ERICH1: variants seen among roughly 807,000 people sequenced by gnomAD.
ERICH1 encodes glutamate rich 1, also known as glutamate-rich protein 1.
ERICH1 carries 56 observed loss-of-function variants against 39.6 expected under a neutral mutation model. That is an observed-to-expected ratio of 1.41 (90% CI 1.14 to 1.77). The LOEUF is 1.77. Ranked by LOEUF, ERICH1 falls within the 40% of genes most tolerant of loss-of-function variation. ERICH1 has a pLI of 0.00. For synonymous variants in ERICH1, 313 were observed against 223.6 expected (o/e 1.40, Z -3.57); for missense variants, 826 against 575.4 (o/e 1.44, Z -4.45).
At chr8:722,846 G>A (rs1393283828) in intron 1 of ERICH1, among the ~76,000 whole-genome samples, 2 of 152,234 alleles carry the variant, frequency 1.3e-5, no homozygotes, top group Non-Finnish European at 2.9e-5. Context: ...AGGAGAAGCT[G>A]TAAAACCGAT....
chr8:692,969 A>C (rs1228049352), intron 2 of ERICH1, among the ~76,000 whole-genome samples: 1 of 152,228 alleles, frequency 6.6e-6, no homozygotes, highest in East Asian at 1.9e-4. Flanking sequence ...ACCCTTTATC[A>C]TCACACGAGG....
chr8:620,244 G>A (rs753513028), intron 3 of ERICH1, among the ~76,000 whole-genome samples: 18 of 152,106 alleles, frequency 1.2e-4, no homozygotes, highest in Non-Finnish European at 1.9e-4. Flanking sequence ...TCCAGGAGGC[G>A]GAGGTTGTAG....
intron 2 of ERICH1, among the ~76,000 whole-genome samples, chr8:707,409 C>T (rs560302493): frequency 2.6e-5 from 4 of 152,008 alleles, no homozygotes; most frequent in Admixed American, 1.3e-4. Context: ...GGTTTCACCA[C>T]GTTGGCCAGG....
chr8:628,718 C>A (rs1394073922), intron 3 of ERICH1, among the ~76,000 whole-genome samples: 1 of 152,190 alleles, frequency 6.6e-6, no homozygotes, highest in Non-Finnish European at 1.5e-5. Flanking sequence ...GTGGGCCTTC[C>A]CCTCATCCCC....
chr8:619,119 G>A (rs990113071), intron 3 of ERICH1, among the ~76,000 whole-genome samples: 4 of 151,970 alleles, frequency 2.6e-5, no homozygotes, highest in African/African-American at 9.7e-5. Flanking sequence ...TACAGATGTG[G>A]AAAAGAAAAT....
chr8:699,130 C>G (rs766669850), intron 2 of ERICH1, among the ~76,000 whole-genome samples: 1 of 152,102 alleles, frequency 6.6e-6, no homozygotes, highest in South Asian at 2.1e-4. Flanking sequence ...ACCCCCCAAA[C>G]CCACTAAATA....
chr8:731,029 T>G, intron 1 of ERICH1, 111 bp downstream of exon 1: 1 of 1,262,906 alleles, frequency 7.9e-7, no homozygotes, highest in Non-Finnish European at 1.0e-6. Flanking sequence ...CGGTCTGGGT[T>G]TGGGGTGGGG....
At chr8:656,284 C>T (rs1800652196) in intron 3 of ERICH1, among the ~76,000 whole-genome samples, 1 of 152,214 alleles carries the variant, frequency 6.6e-6, no homozygotes, top group African/African-American at 2.4e-5. Context: ...AAAGCTGCTC[C>T]TCCCCTTCGA....
intron 3 of ERICH1, among the ~76,000 whole-genome samples, chr8:618,806 A>T (rs1376861809): frequency 6.6e-6 from 1 of 152,094 alleles, no homozygotes; most frequent in African/African-American, 2.4e-5. Context: ...TGAGAGCGCC[A>T]CTTGAGACAA....
intron 3 of ERICH1, among the ~76,000 whole-genome samples, chr8:645,509 C>A (rs531139206): frequency 3.9e-5 from 1 of 25,666 alleles, no homozygotes; most frequent in South Asian, 2.6e-3. Flanking sequence ...CTGTCCCCCC[C>A]AAACCTCATC....
intron 3 of ERICH1, among the ~76,000 whole-genome samples, chr8:620,450 G>A (rs1353814862): frequency 6.6e-6 from 1 of 152,186 alleles, no homozygotes; most frequent in Non-Finnish European, 1.5e-5. Flanking sequence ...ACTGAATAAA[G>A]GGAAACCAGA....
At chr8:634,434 A>G (rs1798271233) in intron 3 of ERICH1, among the ~76,000 whole-genome samples, 1 of 152,204 alleles carries the variant, frequency 6.6e-6, no homozygotes, top group South Asian at 2.1e-4. Flanking sequence ...GTAAACATAG[A>G]ATTGCCACAG....
At chr8:702,622 C>T (rs1191471565) in intron 2 of ERICH1, among the ~76,000 whole-genome samples, 2 of 152,210 alleles carry the variant, frequency 1.3e-5, no homozygotes, top group Non-Finnish European at 2.9e-5. Flanking sequence ...GCCGACAGTG[C>T]GCCACGTGCT....
intron 3 of ERICH1, among the ~76,000 whole-genome samples, chr8:620,405 A>G (rs1002889041): frequency 2.6e-5 from 4 of 152,240 alleles, no homozygotes; most frequent in Admixed American, 1.3e-4. Context: ...ATGTGAATCA[A>G]TTGAACAAGT....
chr8:689,768 T>C (rs2132043821), intron 3 of ERICH1, among the ~76,000 whole-genome samples: 1 of 152,232 alleles, frequency 6.6e-6, no homozygotes, highest in Non-Finnish European at 1.5e-5. Context: ...TGTAATGCGG[T>C]CTACACAGGA....
chr8:723,862 C>T (rs1027216677), intron 1 of ERICH1, among the ~76,000 whole-genome samples: 2 of 151,894 alleles, frequency 1.3e-5, no homozygotes, highest in African/African-American at 4.8e-5. Flanking sequence ...GGTATTTAGC[C>T]TTTGACTATA....
chr8:656,918 C>CATATAACATATAACATATAACAA, intron 3 of ERICH1: 2 of 856,110 alleles, frequency 2.3e-6, no homozygotes, highest in Non-Finnish European at 2.8e-6. Flanking sequence ...AAACAATACA[C>CATATAACATATAACATATAACAA]TCCTTATATG....
At chr8:695,739 G>C (rs1368823108) in intron 2 of ERICH1, among the ~76,000 whole-genome samples, 2 of 106,270 alleles carry the variant, frequency 1.9e-5, no homozygotes, top group Non-Finnish European at 3.9e-5. Context: ...CCATCAGCCT[G>C]CGCCTGTGCT....
chr8:705,993 C>T (rs755951169), intron 2 of ERICH1, among the ~76,000 whole-genome samples: 20 of 152,126 alleles, frequency 1.3e-4, no homozygotes, highest in Non-Finnish European at 7.4e-5. Context: ...GTATTTTCAC[C>T]GCACCTTCTT....
Sources: gnomAD v4.1 joint callset for allele counts (sites outside exome capture counted in the v4.1 genomes callset) on GRCh38, gnomAD v4.1.1 for gene constraint, MANE v1.5 for transcripts, NCBI Gene and HGNC (gene_info 2026-07-23, HGNC 2026-07-21) for gene names.